The following MIAT variants were observed in gnomAD, a reference collection of about 807,000 sequenced individuals.
MIAT encodes MI related novel mRNA.
At chr22:26,651,526 C>T (rs1035050770) in intron 2 of MIAT, among the ~76,000 whole-genome samples, 2 of 152,100 alleles carry the variant, frequency 1.3e-5, no homozygotes, top group Non-Finnish European at 2.9e-5. Context: ...GAAAAGGAAA[C>T]GTGGAACAGA....
At chr22:26,666,728 G>A (rs1930856349) in exon 4 of MIAT, 2 of 398,526 alleles carry the variant, frequency 5.0e-6, no homozygotes, top group Non-Finnish European at 8.8e-6. Flanking sequence ...TGGAGGGTGG[G>A]GTGCCTGGGC....
intron 3 of MIAT, chr22:26,663,473 C>T (rs1019464111): frequency 3.0e-5 from 12 of 397,860 alleles, no homozygotes; most frequent in African/African-American, 8.2e-5. Flanking sequence ...AGATCCATCA[C>T]GAAATCCGTA....
At chr22:26,673,001 G>T (rs1024619509), downstream of MIAT, 5 of 398,518 alleles carry the variant, frequency 1.3e-5, no homozygotes, top group Middle Eastern at 6.2e-4. Context: ...AGTAGACGTG[G>T]GGCCGTGACC....
At chr22:26,673,102 T>C, downstream of MIAT, 1 of 398,640 alleles carries the variant, frequency 2.5e-6, no homozygotes, top group Non-Finnish European at 4.4e-6. Context: ...GGAAGCAGCT[T>C]TACCCCGGGC....
At chr22:26,656,579 A>G (rs967696757) in intron 2 of MIAT, among the ~76,000 whole-genome samples, 7 of 152,054 alleles carry the variant, frequency 4.6e-5, no homozygotes, top group Admixed American at 3.9e-4. Context: ...TGGCCTCCCA[A>G]AGTGCTGGGA....
chr22:26,661,524 C>T (rs1163682332), intron 2 of MIAT, among the ~76,000 whole-genome samples: 1 of 151,968 alleles, frequency 6.6e-6, no homozygotes, highest in Non-Finnish European at 1.5e-5. Flanking sequence ...TACCGTTTAC[C>T]AAGGTTCTTG....
intron 2 of MIAT, among the ~76,000 whole-genome samples, chr22:26,655,527 C>T (rs1930412356): frequency 6.6e-6 from 1 of 152,210 alleles, no homozygotes; most frequent in Non-Finnish European, 1.5e-5. Flanking sequence ...GTGCCAGCAA[C>T]TGTGCTAATC....
chr22:26,661,137 G>A (rs910997942), intron 2 of MIAT, among the ~76,000 whole-genome samples: 3 of 152,220 alleles, frequency 2.0e-5, no homozygotes, highest in Admixed American at 1.3e-4. Flanking sequence ...TTCGAGCAGC[G>A]TGTTTCTGGG....
intron 3 of MIAT, among the ~76,000 whole-genome samples, chr22:26,663,762 C>T (rs965237503): frequency 1.4e-4 from 22 of 152,038 alleles, no homozygotes; most frequent in African/African-American, 4.3e-4. Flanking sequence ...GAAATGCACC[C>T]GTTTAAAGCA....
chr22:26,675,532 A>G (rs1931229467), exon 5 of MIAT: 2 of 398,542 alleles, frequency 5.0e-6, no homozygotes, highest in Non-Finnish European at 8.8e-6. Flanking sequence ...TTTTGAAACT[A>G]GGAAGACCCT....
intron 2 of MIAT, among the ~76,000 whole-genome samples, chr22:26,660,056 G>A (rs1490472451): frequency 4.6e-5 from 7 of 150,888 alleles, no homozygotes; most frequent in African/African-American, 1.5e-4. Flanking sequence ...GGCTGGTCTC[G>A]AACTCCTCAC....
At chr22:26,665,263 G>A (rs1030780126) in intron 3 of MIAT, among the ~76,000 whole-genome samples, 1 of 137,146 alleles carries the variant, frequency 7.3e-6, no homozygotes. Context: ...AAGAAAGAAA[G>A]AAAGAAAGAA....
At chr22:26,663,568 C>G (rs1930744070) in intron 3 of MIAT, 1 of 390,304 alleles carries the variant, frequency 2.6e-6, no homozygotes, top group Non-Finnish European at 4.5e-6. Flanking sequence ...GCTTTCCCGA[C>G]TGACCTTGGC....
downstream of MIAT, chr22:26,672,749 A>T (rs986957763): frequency 2.5e-6 from 1 of 398,882 alleles, no homozygotes; most frequent in African/African-American, 2.1e-5. Context: ...CGGAAGTCAG[A>T]AAGCGGAGCC....
At chr22:26,659,839 TC>T (rs758427282) in intron 2 of MIAT, among the ~76,000 whole-genome samples, 3,058 of 80,150 alleles carry the variant, frequency 0.038, 111 homozygotes, top group African/African-American at 0.08. Context: ...TTTCTTTCTT[TC>T]TTTTTTTTTT....
At chr22:26,660,125 C>G (rs959927313) in intron 2 of MIAT, among the ~76,000 whole-genome samples, 4 of 151,508 alleles carry the variant, frequency 2.6e-5, no homozygotes, top group African/African-American at 9.7e-5. Context: ...CGTGAGCCCC[C>G]ACACCTGACC....
chr22:26,674,287 T>C, downstream of MIAT: 1 of 398,670 alleles, frequency 2.5e-6, no homozygotes, highest in African/African-American at 2.1e-5. Flanking sequence ...AAGGGACTTT[T>C]GATCTCTTTA....
At chr22:26,675,924 C>A (rs151268872) in exon 5 of MIAT, 1 of 398,428 alleles carries the variant, frequency 2.5e-6, no homozygotes, top group South Asian at 1.3e-4. Context: ...TAGAGATTGG[C>A]GATGGTTGTG....
At chr22:26,658,917 C>A (rs1315803418) in intron 2 of MIAT, among the ~76,000 whole-genome samples, 1 of 152,212 alleles carries the variant, frequency 6.6e-6, no homozygotes, top group Non-Finnish European at 1.5e-5. Flanking sequence ...AAAGCGCATT[C>A]CCATTTGGGA....
Sources: gnomAD v4.1 joint callset for allele counts (sites outside exome capture counted in the v4.1 genomes callset) on GRCh38, gnomAD v4.1.1 for gene constraint, MANE v1.5 for transcripts, NCBI Gene and HGNC (gene_info 2026-07-23, HGNC 2026-07-21) for gene names.